EVA1C: variants seen among roughly 807,000 people sequenced by gnomAD.
EVA1C encodes the protein protein eva-1 homolog C.
In EVA1C, 25 loss-of-function variants were observed where a neutral mutation model predicts 45.4. The observed-to-expected ratio is 0.55, with a 90% CI of 0.40 to 0.77. The LOEUF is 0.77. EVA1C is among the 30% of genes least tolerant of loss of function. The pLI, the probability that EVA1C is intolerant of heterozygous loss-of-function variation, is 0.00. For synonymous variants in EVA1C, 190 were observed against 221.2 expected (o/e 0.86, Z 1.25); for missense variants, 479 against 554.8 (o/e 0.86, Z 1.37).
chr21:32,458,305 C>T (rs911426620), intron 3 of EVA1C, among the ~76,000 whole-genome samples: 3 of 152,102 alleles, frequency 2.0e-5, no homozygotes, highest in Admixed American at 6.6e-5. Context: ...ATTTCTAATA[C>T]GCATCAGCTT....
intron 1 of EVA1C, among the ~76,000 whole-genome samples, chr21:32,423,665 C>T (rs2034378203): frequency 2.0e-5 from 3 of 151,954 alleles, no homozygotes; most frequent in African/African-American, 4.8e-5. Context: ...CTTATGTTCT[C>T]TCCGACACCT....
intron 3 of EVA1C, among the ~76,000 whole-genome samples, chr21:32,462,778 C>T (rs2036046400): frequency 6.6e-6 from 1 of 152,238 alleles, no homozygotes; most frequent in African/African-American, 2.4e-5. Context: ...GGATGTGCTC[C>T]TGCTGCAGGT....
rs973155918 is a variant in EVA1C at position 32,495,715 on chromosome 21, A to G, written c.778+545A>G. Among the ~76,000 whole-genome samples the G allele has an allele frequency of 1.0e-3, 155 of 152,364 alleles. 1 individual carries two copies. Among genetic ancestry groups the G allele is most frequent in the African/African-American group, 2.9e-3 (122 of 41,588 alleles). On this transcript the variant is annotated intron_variant, in intron 5 of 7. Transcript: ENST00000300255. ...ATTACTTTGTTTTCCTGATGTCTTT[A>G]AATGATAAAATGAAATGCCTTCTTC... is the stretch of plus-strand genomic sequence containing the variant.
chr21:32,514,127 G>A (rs2038059850), intron 7 of EVA1C, among the ~76,000 whole-genome samples: 1 of 152,166 alleles, frequency 6.6e-6, no homozygotes, highest in African/African-American at 2.4e-5. Flanking sequence ...TTTCATATAA[G>A]TGACTCAAGC....
chr21:32,501,571 C>T, intron 6 of EVA1C, 76 bp downstream of exon 6: 1 of 1,561,348 alleles, frequency 6.4e-7, no homozygotes, highest in Non-Finnish European at 8.6e-7. Flanking sequence ...CAGTTGGGCA[C>T]ACCTTGGTTA....
Position 32,488,647 on chromosome 21 carries a change from G to A in EVA1C, c.635-6380G>A, listed in dbSNP as rs969898471. Among the ~76,000 whole-genome samples, 19 of 151,022 alleles carry A rather than the reference G, an allele frequency of 1.3e-4. No homozygotes were observed. In the South Asian group the frequency reaches 3.6e-3, roughly 28 times the overall value. On this transcript the variant is annotated intron_variant, in intron 4 of 7. Coordinates refer to ENST00000300255, the MANE Select transcript of EVA1C (RefSeq NM_058187.5). ...GTTGCCCAGGCTGGAGTGCAGTGGT[G>A]CAATCTCAGCTCACTGCAACCTCCG...
At position 32,502,241 on chromosome 21, in the gene EVA1C, G is replaced by A. The variant is rs112672296; in HGVS notation, c.859+746G>A. ...AGCCTCCCAAGTAGCAGGGATTACA[G>A]GCGTCCACCACCACACCTGGCTAAT... On this transcript the variant is annotated intron_variant, in intron 6 of 7. Coordinates refer to ENST00000300255, the MANE Select transcript of EVA1C (RefSeq NM_058187.5). 1.3e-3 allele frequency among the ~76,000 whole-genome samples: 202 copies of A among 152,044 alleles called. 1 individual carries two copies. Among genetic ancestry groups the A allele is most frequent in the African/African-American group, 4.1e-3 (171 of 41,442 alleles).
chr21:32,435,092 G>T (rs1005960953), intron 1 of EVA1C, among the ~76,000 whole-genome samples: 1 of 152,282 alleles, frequency 6.6e-6, no homozygotes, highest in African/African-American at 2.4e-5. Flanking sequence ...CCACTCTAGG[G>T]AACCTCTCAT....
intron 5 of EVA1C, among the ~76,000 whole-genome samples, chr21:32,495,455 T>A (rs940010257): frequency 2.0e-5 from 3 of 152,092 alleles, no homozygotes; most frequent in African/African-American, 7.2e-5. Context: ...AACAACCAAA[T>A]AGGGGTAAAC....
chr21:32,434,593 AAAATAAATAAATAAAT>A lies in EVA1C; in HGVS notation c.161-18695_161-18680del, dbSNP rs202142414. Among the ~76,000 whole-genome samples, 513 of 146,970 alleles carry A rather than the reference AAAATAAATAAATAAAT, an allele frequency of 3.5e-3. 1 individual carries two copies. Among genetic ancestry groups the A allele is most frequent in the Non-Finnish European group, 5.5e-3 (369 of 66,926 alleles). Reference sequence around the variant, plus strand: ...GCGACAGAGCGAGACTCCGTCTCAAAAAATAAATAAATAAATAAATAAATAAATAAATAAATAAAAT... The same window carrying A: ...GCGACAGAGCGAGACTCCGTCTCAAAAAATAAATAAATAAATAAATAAAAT... On this transcript the variant is annotated intron_variant, in intron 1 of 7. Coordinates refer to ENST00000300255, the MANE Select transcript of EVA1C (RefSeq NM_058187.5).
At chr21:32,420,053 T>C (rs2034205436) in intron 1 of EVA1C, among the ~76,000 whole-genome samples, 1 of 152,358 alleles carries the variant, frequency 6.6e-6, no homozygotes, top group East Asian at 1.9e-4. Flanking sequence ...ACCCCTTTAG[T>C]TGGCTCCCAT....
chr21:32,457,030 T>C (rs1351886589), intron 2 of EVA1C, among the ~76,000 whole-genome samples: 1 of 152,224 alleles, frequency 6.6e-6, no homozygotes, highest in East Asian at 1.9e-4. Flanking sequence ...CCTCTTGAGT[T>C]TGATGAGGGT....
At chr21:32,501,901 ACCTTCCTCTTTAGTTT>A (rs1364121462) in intron 6 of EVA1C, among the ~76,000 whole-genome samples, 1 of 150,740 alleles carries the variant, frequency 6.6e-6, no homozygotes, top group Non-Finnish European at 1.5e-5. Context: ...TGTACACACC[ACCTTCCTCTTTAGTTT>A]CCTTCCTCCC....
chr21:32,476,996 T>G (rs2036592612), intron 4 of EVA1C, among the ~76,000 whole-genome samples: 1 of 152,132 alleles, frequency 6.6e-6, no homozygotes, highest in Admixed American at 6.5e-5. Flanking sequence ...CACCCCACTC[T>G]GCTATTGAAC....
In EVA1C at chr21:32,470,316, G is replaced by A. The variant is rs568904978; in HGVS notation, c.634+2468G>A. ...ACGTGCCTCCCAAATGCGAAGCCCC[G>A]TATTCCGGGAAGGCCCTTGTGTCGA... On this transcript the variant is annotated intron_variant, in intron 4 of 7. Transcript: ENST00000300255. 6.0e-4 allele frequency among the ~76,000 whole-genome samples: 92 copies of A among 152,330 alleles called. No individual in the cohort carries two copies. The Middle Eastern group carries it at 0.014, about 23-fold the overall frequency.
chr21:32,416,316 T>C (rs1488564721), intron 1 of EVA1C, among the ~76,000 whole-genome samples: 1 of 113,850 alleles, frequency 8.8e-6, no homozygotes, highest in African/African-American at 5.7e-5. Flanking sequence ...TTTCTTTTTC[T>C]TTTTCTTTTT....
chr21:32,464,120 G>A (rs935887800), intron 3 of EVA1C, among the ~76,000 whole-genome samples: 5 of 152,186 alleles, frequency 3.3e-5, no homozygotes, highest in African/African-American at 7.2e-5. Flanking sequence ...TCTGACGTTC[G>A]GGTCAGACTT....
intron 3 of EVA1C, among the ~76,000 whole-genome samples, chr21:32,462,455 C>T (rs958032933): frequency 3.3e-5 from 5 of 152,194 alleles, no homozygotes; most frequent in Admixed American, 1.3e-4. Flanking sequence ...TCACTATGCA[C>T]TGGCAATTGT....
At chr21:32,462,938 C>T (rs144989727) in intron 3 of EVA1C, among the ~76,000 whole-genome samples, 1 of 152,200 alleles carries the variant, frequency 6.6e-6, no homozygotes, top group Non-Finnish European at 1.5e-5. Flanking sequence ...AGGCTCTCAG[C>T]TCTGGAGGCT....
Sources: allele counts gnomAD v4.1 joint callset (sites outside exome capture counted in the v4.1 genomes callset), GRCh38; gene constraint gnomAD v4.1.1; transcripts MANE v1.5; gene names NCBI Gene and HGNC (gene_info 2026-07-23, HGNC 2026-07-21).